SUSD4: variants seen among roughly 807,000 people sequenced by gnomAD.
SUSD4 encodes the protein sushi domain containing 4, also known as sushi domain-containing protein 4.
In SUSD4, 41 loss-of-function variants were observed where a neutral mutation model predicts 50.5. The observed-to-expected ratio is 0.81, with a 90% CI of 0.63 to 1.05. SUSD4 has a LOEUF of 1.05. SUSD4 is among the 50% of genes least tolerant of loss of function. The pLI is 0.00. For missense variants in SUSD4, 580 were observed against 634.7 expected, an observed-to-expected ratio of 0.91 and a Z score of 0.93; for synonymous variants, 257 against 257.3, an observed-to-expected ratio of 1.00 and a Z score of 0.01.
chr1:223,235,199 CTT>C (rs1019211697), intron 5 of SUSD4: 3 of 1,321,624 alleles, frequency 2.3e-6, no homozygotes, highest in Non-Finnish European at 3.1e-6. Context: ...AAAATAAAGA[CTT>C]TATTTTTAAG....
rs1659928701 is a variant in SUSD4 at position 223,231,995 on chromosome 1, G to T, written c.725-2607C>A. 6.6e-6 allele frequency among the ~76,000 whole-genome samples: 1 copy of T among 152,184 alleles called. No homozygotes were observed. Among genetic ancestry groups the T allele is most frequent in the Non-Finnish European group, 1.5e-5 (1 of 68,006 alleles). ...CAGAATATTATTCAGCCTTAAAAAG[G>T]AAGGAAATCCTGCCATTTAGGACAC... On this transcript the variant is annotated intron_variant, in intron 5 of 8. Coordinates refer to ENST00000366878, the MANE Select transcript of SUSD4 (RefSeq NM_017982.4). This position sits in a 1 kb window ranked among gnomAD's most constrained non-coding sequence, Gnocchi z 4.2.
At position 223,221,863 on chromosome 1, in the gene SUSD4, G is replaced by T. The variant is rs919132467; in HGVS notation, c.*329C>A. 1.5e-5 allele frequency: 4 copies of T among 265,732 alleles called. No individual in the cohort carries two copies. Among genetic ancestry groups the T allele is most frequent in the African/African-American group, 8.8e-5 (4 of 45,478 alleles). The allele number at this position is 265,732 out of a possible 1,614,324, so 16.5% of individuals were successfully genotyped here. The stretch of plus-strand genomic sequence containing the variant: ...GGGAGTACTTGCCAGTCAATGGGAT[G>T]CGTGATGATTCGGTGGGATGTGCGT... On this transcript the variant is annotated 3_prime_UTR_variant, in exon 9 of 9. Coordinates refer to ENST00000366878, the MANE Select transcript of SUSD4 (RefSeq NM_017982.4).
chr1:223,224,292 G>A (rs918053450), intron 7 of SUSD4, among the ~76,000 whole-genome samples: 1 of 152,086 alleles, frequency 6.6e-6, no homozygotes, highest in Non-Finnish European at 1.5e-5. Flanking sequence ...AGCCATGATC[G>A]CACCACTGCA....
intron 3 of SUSD4, among the ~76,000 whole-genome samples, chr1:223,283,462 C>A (rs1465291223): frequency 6.6e-6 from 1 of 152,114 alleles, no homozygotes; most frequent in African/African-American, 2.4e-5. Flanking sequence ...TTTATGCAGC[C>A]AACAGACATA....
chr1:223,325,891 A>G (rs1313305437), intron 2 of SUSD4, among the ~76,000 whole-genome samples: 3 of 152,234 alleles, frequency 2.0e-5, no homozygotes, highest in African/African-American at 7.2e-5. Flanking sequence ...AAACAGAAAC[A>G]TATCCCATGC....
chr1:223,228,446 C>T (rs1048007636), intron 6 of SUSD4, among the ~76,000 whole-genome samples: 1 of 152,184 alleles, frequency 6.6e-6, no homozygotes. Context: ...GAAAGGCATG[C>T]AGTCATCAGC....
chr1:223,354,507 T>C (rs1250099408), intron 2 of SUSD4, among the ~76,000 whole-genome samples: 1 of 152,234 alleles, frequency 6.6e-6, no homozygotes, highest in African/African-American at 2.4e-5. Context: ...AGAGGAACTG[T>C]ACATTTCCAA....
At chr1:223,318,774 G>C (rs1422320584) in intron 2 of SUSD4, among the ~76,000 whole-genome samples, 3 of 149,962 alleles carry the variant, frequency 2.0e-5, no homozygotes, top group Non-Finnish European at 4.4e-5. Context: ...AGCTACCAAT[G>C]ACTTTCTTCA....
At chr1:223,223,101 G>C in intron 8 of SUSD4, 148 bp downstream of exon 8, 1 of 1,181,944 alleles carries the variant, frequency 8.5e-7, no homozygotes, top group Non-Finnish European at 1.1e-6. Context: ...TGGAGAGAGA[G>C]CATGAAGCAA....
intron 5 of SUSD4, among the ~76,000 whole-genome samples, chr1:223,240,784 G>A (rs1430942787): frequency 6.6e-6 from 1 of 152,162 alleles, no homozygotes; most frequent in East Asian, 1.9e-4. Flanking sequence ...TTCCTGTCAT[G>A]TCTGCTTCTG....
intron 2 of SUSD4, among the ~76,000 whole-genome samples, chr1:223,298,613 A>G (rs1470438795): frequency 6.6e-6 from 1 of 152,178 alleles, no homozygotes; most frequent in Admixed American, 6.5e-5. Flanking sequence ...CAGAACCCTC[A>G]GATGGTCGTA....
intron 7 of SUSD4, among the ~76,000 whole-genome samples, chr1:223,226,877 T>C (rs1659553294): frequency 6.6e-6 from 1 of 152,220 alleles, no homozygotes; most frequent in Non-Finnish European, 1.5e-5. Context: ...CCTTTTGCTG[T>C]CTAAACTACT....
intron 5 of SUSD4, among the ~76,000 whole-genome samples, chr1:223,245,029 CACTGGTGCACCCT>C (rs1660826647): frequency 6.6e-6 from 1 of 152,058 alleles, no homozygotes; most frequent in African/African-American, 2.4e-5. Context: ...GTCCATAGAC[CACTGGTGCACCCT>C]ACTGGTGCAC....
intron 3 of SUSD4, among the ~76,000 whole-genome samples, chr1:223,276,877 G>T (rs1663310623): frequency 6.6e-6 from 1 of 151,850 alleles, no homozygotes; most frequent in African/African-American, 2.4e-5. Context: ...CAATAAGAAA[G>T]AAATTTTAGA....
intron 3 of SUSD4, among the ~76,000 whole-genome samples, chr1:223,275,535 T>C (rs1051112211): frequency 5.3e-5 from 8 of 152,152 alleles, no homozygotes; most frequent in Non-Finnish European, 1.2e-4. Context: ...TTCCAGAGGT[T>C]CTACCCCATG....
intron 2 of SUSD4, among the ~76,000 whole-genome samples, chr1:223,321,326 C>A (rs1253994937): frequency 6.6e-6 from 1 of 152,168 alleles, no homozygotes; most frequent in Non-Finnish European, 1.5e-5. Context: ...AGCTGTGTGA[C>A]TTGGGGCAAG....
intron 2 of SUSD4, among the ~76,000 whole-genome samples, chr1:223,293,490 A>AC (rs1664628536): frequency 6.6e-6 from 1 of 152,134 alleles, no homozygotes. Flanking sequence ...AGTGCTCCAT[A>AC]CCAGTTTGCT....
Position 223,293,668 on chromosome 1 carries a change from C to T in SUSD4, c.149-1017G>A, listed in dbSNP as rs536987257. On this transcript the variant is annotated intron_variant, in intron 2 of 8. Transcript: ENST00000366878. ...GTGTCTGGGACACTTGGATTCTAGG[C>T]TCCCCTTGTCAACTGACTGGATGTT... Among the ~76,000 whole-genome samples the T allele has an allele frequency of 4.6e-5, 7 of 152,268 alleles. 1 individual carries two copies. The highest frequency in any genetic ancestry group is 1.7e-4 in the African/African-American group (7 of 41,556).
intron 4 of SUSD4, among the ~76,000 whole-genome samples, chr1:223,267,460 G>A (rs1662571003): frequency 6.6e-6 from 1 of 152,178 alleles, no homozygotes; most frequent in Admixed American, 6.5e-5. Flanking sequence ...TTAACAGCCA[G>A]CTGCTTGTTT....
Sources: allele counts gnomAD v4.1 joint callset (sites outside exome capture counted in the v4.1 genomes callset), GRCh38; gene constraint gnomAD v4.1.1; non-coding constraint Gnocchi (gnomAD v3.1); transcripts MANE v1.5; gene names NCBI Gene and HGNC (gene_info 2026-07-23, HGNC 2026-07-21).